Variants in ERCC6 observed in about 807,000 individuals in gnomAD.
ERCC6 encodes the protein ERCC excision repair 6, chromatin remodeling factor.
Under a neutral mutation model 158.7 loss-of-function variants are expected in ERCC6, and 116 were observed. The ratio of observed to expected loss-of-function variants is 0.73; its 90% CI spans 0.63 to 0.85. The LOEUF is 0.85. Among genes scored for constraint, ERCC6 ranks in the 40% least tolerant of loss-of-function variants. The pLI, the probability that ERCC6 is intolerant of heterozygous loss-of-function variation, is 0.00. For missense variants in ERCC6, 1,698 were observed against 1,799.4 expected (o/e 0.94, Z 1.02); for synonymous variants, 678 against 659.3 (o/e 1.03, Z -0.43).
At position 49,532,628 on chromosome 10, in the gene ERCC6, C is replaced by A; in HGVS notation, c.337G>T (p.Val113Leu). 1 of 1,614,236 alleles carries A rather than the reference C, an allele frequency of 6.2e-7. No individual in the cohort carries two copies. The highest frequency in any genetic ancestry group is 8.5e-7 in the Non-Finnish European group (1 of 1,180,048). Residue 113 changes from valine (V) to leucine (L), a missense_variant, in exon 2 of 21, where the codon GTG becomes TTG. Val to Leu is a conservative substitution (Grantham distance 32, BLOSUM62 1). Coordinates refer to ENST00000355832, the MANE Select transcript of ERCC6 (RefSeq NM_000124.4). ...DVLEQGVLQQ[V>L]DNAIHEASRA... Reference sequence around the variant, plus strand: ...CTGGCCTCATGGATGGCATTGTCCACCTGCTGAAGCACTCCCTGTTCCAGC... The same window carrying A: ...CTGGCCTCATGGATGGCATTGTCCAACTGCTGAAGCACTCCCTGTTCCAGC...
chr10:49,436,191 AAATT>A, the ERCC6 span, among the ~76,000 whole-genome samples: 1 of 152,168 alleles, frequency 6.6e-6, no homozygotes, highest in African/African-American at 2.4e-5. Context: ...CCATGCTTAA[AAATT>A]AATTCTAGCT....
At chr10:49,472,695 AACTC>A (rs1404659966) in intron 15 of ERCC6, 3 of 734,588 alleles carry the variant, frequency 4.1e-6, no homozygotes, top group Non-Finnish European at 6.7e-6. Flanking sequence ...TTTTTACCCC[AACTC>A]TAGGAATGAA....
chr10:49,507,038 G>A (rs1851455604), intron 5 of ERCC6, among the ~76,000 whole-genome samples: 1 of 152,108 alleles, frequency 6.6e-6, no homozygotes, highest in Non-Finnish European at 1.5e-5. Context: ...AAGAGTAAGA[G>A]AGAATGTCCG....
In ERCC6 at chr10:49,510,238, G is replaced by C. The variant is rs368813647; in HGVS notation, c.1398-4226C>G. Among the ~76,000 whole-genome samples the C allele has an allele frequency of 1.2e-4, 18 of 152,226 alleles. 1 individual carries two copies. Among genetic ancestry groups the C allele is most frequent in the African/African-American group, 4.1e-4 (17 of 41,528 alleles). The stretch of plus-strand genomic sequence containing the variant: ...TAGGGTGCCGCATCAATGGAACCCT[G>C]AAAGCTAGTTGCTGCCATTTAAAGT... On this transcript the variant is annotated intron_variant, in intron 5 of 20. Transcript: ENST00000355832.
chr10:49,537,291 C>T lies in ERCC6; in HGVS notation c.-15+1671G>A, dbSNP rs545145354. ...CCCAGGAGGCGGAGGCCGCAGTGAG[C>T]GAGATCGCACCACTGCACTCCAGCC... On this transcript the variant is annotated intron_variant, in intron 1 of 20. Transcript: ENST00000355832. 5.5e-5 allele frequency among the ~76,000 whole-genome samples: 8 copies of T among 145,994 alleles called. No individual in the cohort carries two copies. In the East Asian group the frequency reaches 6.1e-4, roughly 11 times the overall value.
chr10:49,512,385 C>A (rs1836836530), intron 5 of ERCC6, among the ~76,000 whole-genome samples: 1 of 152,196 alleles, frequency 6.6e-6, no homozygotes, highest in South Asian at 2.1e-4. Context: ...AACCAAGGGG[C>A]ATGTTGCACG....
At chr10:49,437,336 A>C in the ERCC6 span, among the ~76,000 whole-genome samples, 4 of 152,282 alleles carry the variant, frequency 2.6e-5, no homozygotes, top group African/African-American at 9.6e-5. Flanking sequence ...TACATGCAAT[A>C]ATGTGGATAA....
intron 2 of ERCC6, among the ~76,000 whole-genome samples, chr10:49,531,176 G>C (rs1037890954): frequency 6.6e-6 from 1 of 152,106 alleles, no homozygotes; most frequent in Non-Finnish European, 1.5e-5. Context: ...CCTTTTACAT[G>C]AAAAAATGCA....
chr10:49,513,036 C>T (rs528193106), intron 5 of ERCC6, among the ~76,000 whole-genome samples: 1 of 152,350 alleles, frequency 6.6e-6, no homozygotes, highest in Non-Finnish European at 1.5e-5. Flanking sequence ...AAGCATCTTA[C>T]TGCCTTGGTG....
At chr10:49,497,328 C>T (rs545477530) in intron 7 of ERCC6, among the ~76,000 whole-genome samples, 157 of 152,332 alleles carry the variant, frequency 1.0e-3, no homozygotes, top group Non-Finnish European at 1.5e-3. Context: ...TAGGAAACAA[C>T]CAATCAAAAG....
chr10:49,475,351 G>T (rs1409399296), intron 12 of ERCC6: 2 of 424,178 alleles, frequency 4.7e-6, no homozygotes, highest in Non-Finnish European at 4.7e-6. Context: ...CCTTTTTAAT[G>T]TGACTACTAG....
At chr10:49,459,897 A>C in intron 20 of ERCC6, 1 of 195,348 alleles carries the variant, frequency 5.1e-6, no homozygotes, top group South Asian at 1.0e-4. Context: ...AAAGACTTCC[A>C]CTGAATGGTG....
chr10:49,450,135 C>T (rs1219714385), downstream of ERCC6, among the ~76,000 whole-genome samples: 1 of 152,216 alleles, frequency 6.6e-6, no homozygotes, highest in African/African-American at 2.4e-5. Flanking sequence ...TCCCAAAGTG[C>T]TAAGACTACA....
At chr10:49,536,258 AGG>A (rs2132646046) in intron 1 of ERCC6, among the ~76,000 whole-genome samples, 1 of 152,330 alleles carries the variant, frequency 6.6e-6, no homozygotes, top group Admixed American at 6.5e-5. Flanking sequence ...TGCCTCTGGC[AGG>A]GAGACAGCTA....
At chr10:49,460,243 TG>T (rs1850553357) in intron 20 of ERCC6, 129 bp downstream of exon 20, 1 of 727,630 alleles carries the variant, frequency 1.4e-6, no homozygotes, top group East Asian at 2.6e-5. Context: ...AATCAGAGCG[TG>T]CAACACAAAT....
intron 8 of ERCC6, among the ~76,000 whole-genome samples, chr10:49,487,832 T>C (rs1288327248): frequency 6.6e-6 from 1 of 152,214 alleles, no homozygotes. Flanking sequence ...GGAAGATGTA[T>C]TAATGATTAA....
At chr10:49,505,452 CA>C (rs1022218930) in intron 6 of ERCC6, 28 of 165,218 alleles carry the variant, frequency 1.7e-4, no homozygotes, top group East Asian at 1.0e-3. Context: ...ATAAGACACT[CA>C]AAAAAAATGT....
At chr10:49,459,276 G>A in intron 20 of ERCC6, 42 bp from the exon 21 acceptor site, 6 of 1,600,854 alleles carry the variant, frequency 3.7e-6, no homozygotes, top group Non-Finnish European at 5.1e-6. Context: ...TTAATTTCTA[G>A]TTTATGCCCC....
chr10:49,459,845 G>C (rs1289668828), intron 20 of ERCC6, among the ~76,000 whole-genome samples: 2 of 152,190 alleles, frequency 1.3e-5, no homozygotes, highest in African/African-American at 4.8e-5. Flanking sequence ...ATTGGAGTCT[G>C]AATCTGGGAG....
Sources: allele counts gnomAD v4.1 joint callset (sites outside exome capture counted in the v4.1 genomes callset), GRCh38; gene constraint gnomAD v4.1.1; transcripts MANE v1.5; gene names NCBI Gene and HGNC (gene_info 2026-07-23, HGNC 2026-07-21).